The following DPP10 variants were observed in gnomAD, a reference collection of about 807,000 sequenced individuals.
DPP10 encodes inactive dipeptidyl peptidase 10.
DPP10 carries 33 observed loss-of-function variants against 120.9 expected under a neutral mutation model. The ratio of observed to expected loss-of-function variants is 0.27; its 90% CI spans 0.21 to 0.37. The LOEUF (loss-of-function observed/expected upper bound fraction) is 0.37, where lower values mean the gene tolerates loss of function less well. Ranked by LOEUF, DPP10 falls within the 10% of genes least tolerant of loss-of-function variation. The pLI is 1.00. For synonymous variants in DPP10, 337 were observed against 326.1 expected, an observed-to-expected ratio of 1.03 and a Z score of -0.36; for missense variants, 816 against 942.8, an observed-to-expected ratio of 0.87 and a Z score of 1.76.
intron 1 of DPP10, among the ~76,000 whole-genome samples, chr2:114,742,363 G>A (rs1326114414): frequency 3.3e-5 from 5 of 152,134 alleles, no homozygotes; most frequent in African/African-American, 1.2e-4. Flanking sequence ...AAAAATATTT[G>A]GCATATGAAA....
intron 5 of DPP10, among the ~76,000 whole-genome samples, chr2:115,675,756 A>T (rs565692147): frequency 1.3e-5 from 2 of 152,300 alleles, no homozygotes; most frequent in South Asian, 4.1e-4. Context: ...CAGAGAAAAA[A>T]AATTAATGCT....
chr2:114,581,939 T>C (rs1019605394), intron 1 of DPP10, among the ~76,000 whole-genome samples: 2 of 152,182 alleles, frequency 1.3e-5, no homozygotes, highest in Admixed American at 6.5e-5. Context: ...CTTATTCCAA[T>C]TGATGAACCT....
chr2:115,461,018 T>G (rs2073954181), intron 3 of DPP10, among the ~76,000 whole-genome samples: 1 of 152,122 alleles, frequency 6.6e-6, no homozygotes, highest in Non-Finnish European at 1.5e-5. Flanking sequence ...GCCTCAAAGA[T>G]AAAAATAAAT....
intron 1 of DPP10, among the ~76,000 whole-genome samples, chr2:114,511,875 T>C (rs1684176496): frequency 6.6e-6 from 1 of 152,220 alleles, no homozygotes; most frequent in African/African-American, 2.4e-5. Flanking sequence ...ACATTGTCTG[T>C]GAGCTTCAAA....
chr2:115,263,067 G>A (rs571782707), intron 1 of DPP10, among the ~76,000 whole-genome samples: 2 of 152,246 alleles, frequency 1.3e-5, no homozygotes, highest in African/African-American at 2.4e-5. Context: ...AGTGATTACC[G>A]TGTCCAAGAG....
At position 114,761,939 on chromosome 2, in the gene DPP10, GCTC is replaced by G. The variant is rs1680317528; in HGVS notation, c.60+319103_60+319105del. ...CTCTTGGATATTAATAGGAAATGCAGCTCCACAGAGACAGAAAGCCAGGCAGCC... is the reference window on the plus strand; with the variant it reads ...CTCTTGGATATTAATAGGAAATGCAGCACAGAGACAGAAAGCCAGGCAGCC... On this transcript the variant is annotated intron_variant, in intron 1 of 25. Coordinates refer to ENST00000410059, the MANE Select transcript of DPP10 (RefSeq NM_020868.6). 3.3e-5 allele frequency among the ~76,000 whole-genome samples: 5 copies of G among 152,090 alleles called. No individual in the cohort carries two copies. In the South Asian group the frequency reaches 1.0e-3, roughly 32 times the overall value.
chr2:115,209,862 T>G (rs2056391105), intron 1 of DPP10, among the ~76,000 whole-genome samples: 1 of 152,250 alleles, frequency 6.6e-6, no homozygotes, highest in Admixed American at 6.5e-5. Flanking sequence ...ACAATGATAG[T>G]AACAAAGATG....
chr2:115,207,874 A>G (rs867832031), intron 1 of DPP10, among the ~76,000 whole-genome samples: 12 of 152,326 alleles, frequency 7.9e-5, no homozygotes, highest in African/African-American at 2.4e-4. Context: ...ACTATAGGCA[A>G]TCACATTGGG....
At chr2:115,342,858 G>A (rs940547500) in intron 2 of DPP10, among the ~76,000 whole-genome samples, 5 of 152,068 alleles carry the variant, frequency 3.3e-5, no homozygotes, top group African/African-American at 1.2e-4. Context: ...TATGTGAAAG[G>A]GAATTGCATT....
intron 11 of DPP10, among the ~76,000 whole-genome samples, chr2:115,759,622 T>A (rs1679851696): frequency 6.6e-6 from 1 of 152,172 alleles, no homozygotes; most frequent in South Asian, 2.1e-4. Flanking sequence ...CCAAATGAAG[T>A]TAAACATATG....
At chr2:114,770,414 A>G (rs1478928894) in intron 1 of DPP10, among the ~76,000 whole-genome samples, 2 of 152,190 alleles carry the variant, frequency 1.3e-5, no homozygotes, top group African/African-American at 4.8e-5. Flanking sequence ...AGGAATCCAT[A>G]TACATGCTAG....
At chr2:114,560,207 C>T (rs191099047) in intron 1 of DPP10, among the ~76,000 whole-genome samples, 190 of 152,194 alleles carry the variant, frequency 1.2e-3, no homozygotes, top group African/African-American at 4.5e-3. Flanking sequence ...CCATGGACTG[C>T]CCTGTGGGAG....
At chr2:114,890,993 T>C (rs1418195950) in intron 1 of DPP10, among the ~76,000 whole-genome samples, 1 of 152,218 alleles carries the variant, frequency 6.6e-6, no homozygotes, top group Non-Finnish European at 1.5e-5. Flanking sequence ...TTTTATCTGC[T>C]ACTGGTTTTC....
At chr2:115,205,392 A>G (rs932320475) in intron 1 of DPP10, among the ~76,000 whole-genome samples, 1 of 152,142 alleles carries the variant, frequency 6.6e-6, no homozygotes, top group Admixed American at 6.6e-5. Flanking sequence ...GTCAAAGATC[A>G]GATGGTTTTA....
At chr2:115,455,398 G>T (rs1422076844) in intron 3 of DPP10, among the ~76,000 whole-genome samples, 4 of 151,830 alleles carry the variant, frequency 2.6e-5, no homozygotes, top group Non-Finnish European at 5.9e-5. Context: ...TGCCCAAATT[G>T]ATTTATAGAT....
chr2:115,150,860 G>A (rs2051503095), intron 1 of DPP10, among the ~76,000 whole-genome samples: 1 of 152,128 alleles, frequency 6.6e-6, no homozygotes, highest in South Asian at 2.1e-4. Context: ...ATATCAAAAT[G>A]ATAAAACGTT....
At chr2:115,187,311 C>G (rs2054536750) in intron 1 of DPP10, among the ~76,000 whole-genome samples, 1 of 152,050 alleles carries the variant, frequency 6.6e-6, no homozygotes, top group Non-Finnish European at 1.5e-5. Flanking sequence ...GCTGGGATTA[C>G]AGGCGTGAGC....
intron 1 of DPP10, among the ~76,000 whole-genome samples, chr2:115,127,879 C>T (rs1292107416): frequency 6.6e-6 from 1 of 152,096 alleles, no homozygotes; most frequent in Admixed American, 6.6e-5. Flanking sequence ...AGGATATACT[C>T]CCTATGTCAA....
intron 3 of DPP10, among the ~76,000 whole-genome samples, chr2:115,371,697 A>G (rs1451196260): frequency 6.6e-6 from 1 of 152,134 alleles, no homozygotes; most frequent in African/African-American, 2.4e-5. Flanking sequence ...GGATAGCACT[A>G]AAGGCAGAAT....
Sources: gnomAD v4.1 joint callset for allele counts (sites outside exome capture counted in the v4.1 genomes callset) on GRCh38, gnomAD v4.1.1 for gene constraint, MANE v1.5 for transcripts, NCBI Gene and HGNC (gene_info 2026-07-23, HGNC 2026-07-21) for gene names.